SATB2: variants seen among roughly 807,000 people sequenced by gnomAD.
The protein encoded by SATB2 is SATB homeobox 2.
A neutral mutation model predicts 73.4 loss-of-function variants in SATB2; 1 was observed. The observed-to-expected ratio is 0.01, with a 90% CI of 0.00 to 0.06. The LOEUF is 0.06. Ranked by LOEUF, SATB2 falls within the 10% of genes least tolerant of loss-of-function variation. The pLI is 1.00. For missense variants in SATB2, 459 were observed against 945.8 expected (o/e 0.49, Z 6.75); for synonymous variants, 397 against 367.0 (o/e 1.08, Z -0.93).
intron 3 of SATB2, among the ~76,000 whole-genome samples, chr2:199,430,099 C>T (rs1481734222): frequency 6.6e-6 from 1 of 152,172 alleles, no homozygotes; most frequent in African/African-American, 2.4e-5. Flanking sequence ...TGAATAGCTA[C>T]TCAACCAGTG....
chr2:199,346,069 A>G (rs1217700886), intron 7 of SATB2, among the ~76,000 whole-genome samples: 1 of 152,238 alleles, frequency 6.6e-6, no homozygotes, highest in Non-Finnish European at 1.5e-5. Flanking sequence ...GGTAGAATAT[A>G]TATAATAAGA....
chr2:199,293,902 CAAA>C (rs2105746423), intron 10 of SATB2, among the ~76,000 whole-genome samples: 1 of 151,372 alleles, frequency 6.6e-6, no homozygotes, highest in Non-Finnish European at 1.5e-5. Context: ...AAAAACAAAA[CAAA>C]ACACAAAACT....
intron 7 of SATB2, among the ~76,000 whole-genome samples, chr2:199,346,565 C>T (rs1474685083): frequency 4.6e-5 from 7 of 152,148 alleles, no homozygotes; most frequent in Non-Finnish European, 7.3e-5. Context: ...AACACACTTT[C>T]GAATAAAGAG....
At chr2:199,429,124 A>G (rs1691424539) in intron 3 of SATB2, among the ~76,000 whole-genome samples, 1 of 152,188 alleles carries the variant, frequency 6.6e-6, no homozygotes, top group Non-Finnish European at 1.5e-5. Context: ...TCTTCCACTG[A>G]AAAAACAGAA....
intron 7 of SATB2, among the ~76,000 whole-genome samples, chr2:199,343,210 C>T (rs946932214): frequency 6.6e-6 from 1 of 151,760 alleles, no homozygotes; most frequent in South Asian, 2.1e-4. Context: ...ACAAAATGAA[C>T]ACACACGATT....
chr2:199,328,773 C>T lies in SATB2; in HGVS notation c.1311G>A (p.Arg437=), dbSNP rs1178615180. 2 of 1,614,014 alleles carry T rather than the reference C, an allele frequency of 1.2e-6. No individual in the cohort carries two copies. Among genetic ancestry groups the T allele is most frequent in the Admixed American group, 1.7e-5 (1 of 60,016 alleles). Residue 437 remains arginine (R), a synonymous_variant, in exon 8 of 11, where the codon AGG becomes AGA. Coordinates refer to ENST00000417098, the MANE Select transcript of SATB2 (RefSeq NM_001172509.2). ...TCACATTGGGATTCATGCTCCGCTC[C>T]CTCTCATCCTGGTAGATGCGATCTC... ...VERDRIYQDE[R]ERSMNPNVSM...
At position 199,321,773 on chromosome 2, in the gene SATB2, T is replaced by A. The variant is rs76772961; in HGVS notation, c.1542+2030A>T. ...TCATTTTGTTTGGCAGTATCATTTT[T>A]AAAAAAAAAACATAATAAACATAGT... is the stretch of plus-strand genomic sequence containing the variant. On this transcript the variant is annotated intron_variant, in intron 9 of 10. Coordinates refer to ENST00000417098, the MANE Select transcript of SATB2 (RefSeq NM_001172509.2). Among the ~76,000 whole-genome samples, 36 of 149,710 alleles carry A rather than the reference T, an allele frequency of 2.4e-4. No homozygotes were observed. The East Asian group carries it at 2.7e-3, about 11-fold the overall frequency.
intron 2 of SATB2, among the ~76,000 whole-genome samples, chr2:199,451,091 AACACACACACACACACACAC>A (rs56071011): frequency 2.2e-5 from 3 of 139,222 alleles, no homozygotes; most frequent in African/African-American, 5.3e-5. Flanking sequence ...ATGTAGTTCC[AACACACACACACACACACAC>A]ACACACACAC....
intron 5 of SATB2, among the ~76,000 whole-genome samples, chr2:199,372,876 T>C (rs1301855877): frequency 1.3e-5 from 2 of 152,144 alleles, no homozygotes; most frequent in Non-Finnish European, 2.9e-5. Context: ...TAAAACTTAA[T>C]AGGAAAAAGC....
rs565293785 is a variant in SATB2, at chr2:199,439,079, C to A, written c.170-5565G>T. ...GACCTGTACTACTTGTAAGTGAATTCACCTTTTGTCTGCCTACCAGGTGTC... is the reference window on the plus strand; with the variant it reads ...GACCTGTACTACTTGTAAGTGAATTAACCTTTTGTCTGCCTACCAGGTGTC... On this transcript the variant is annotated intron_variant, in intron 2 of 10. Coordinates refer to ENST00000417098, the MANE Select transcript of SATB2 (RefSeq NM_001172509.2). Among the ~76,000 whole-genome samples the A allele has an allele frequency of 1.1e-4, 17 of 152,356 alleles. No individual in the cohort carries two copies. In the South Asian group the frequency reaches 3.5e-3, roughly 32 times the overall value.
intron 2 of SATB2, among the ~76,000 whole-genome samples, chr2:199,441,827 T>C (rs970861496): frequency 3.9e-5 from 6 of 152,212 alleles, no homozygotes; most frequent in Non-Finnish European, 7.3e-5. Flanking sequence ...CCTTCGGTTA[T>C]AGAAATTTAG....
intron 6 of SATB2, among the ~76,000 whole-genome samples, chr2:199,368,198 A>G (rs1005041988): frequency 7.9e-5 from 12 of 152,086 alleles, no homozygotes; most frequent in African/African-American, 2.9e-4. Flanking sequence ...TGTTTTCACC[A>G]CTGCTCTGGA....
upstream of SATB2, among the ~76,000 whole-genome samples, chr2:199,461,153 G>A (rs748440068): frequency 1.3e-5 from 2 of 152,170 alleles, no homozygotes; most frequent in South Asian, 2.1e-4. Flanking sequence ...AATTTCTTCC[G>A]ATTTAAAGGA....
chr2:199,397,021 CAAAAT>C (rs1050272335), intron 3 of SATB2: 8 of 146,994 alleles, frequency 5.4e-5, no homozygotes, highest in African/African-American at 2.0e-4. Context: ...AGAAGAATAA[CAAAAT>C]AAAAGGTGCT....
intron 3 of SATB2, among the ~76,000 whole-genome samples, chr2:199,410,810 T>C (rs1234788584): frequency 6.6e-6 from 1 of 152,244 alleles, no homozygotes; most frequent in African/African-American, 2.4e-5. Flanking sequence ...AATTTTCCTA[T>C]TATAACTAAG....
intron 2 of SATB2, among the ~76,000 whole-genome samples, chr2:199,449,281 G>C (rs1020283475): frequency 6.6e-6 from 1 of 152,036 alleles, no homozygotes; most frequent in African/African-American, 2.4e-5. Context: ...CTTTTTAATT[G>C]AGCAGCAAAG....
Position 199,455,966 on chromosome 2 carries a change from C to A in SATB2, c.72G>T (p.Lys24Asn). 6.5e-7 allele frequency: 1 copy of A among 1,539,252 alleles called. No individual in the cohort carries two copies. Among genetic ancestry groups the A allele is most frequent in the Non-Finnish European group, 8.7e-7 (1 of 1,147,714 alleles). Residue 24 changes from lysine to asparagine, a missense_variant, in exon 2 of 11, where the codon AAG becomes AAT. Coordinates refer to ENST00000417098, the MANE Select transcript of SATB2 (RefSeq NM_001172509.2). This position sits in a 1 kb window ranked among gnomAD's most constrained non-coding sequence, Gnocchi z 4.1. Reference sequence around the variant, plus strand: ...GGGCCACCTTCACTGGGGGAGGCCCCTTGACGTCCGGGCTGCCGCTCCGCC... The same window carrying A: ...GGGCCACCTTCACTGGGGGAGGCCCATTGACGTCCGGGCTGCCGCTCCGCC... ...PDRRSGSPDV[K>N]GPPPVKVARL...
intron 2 of SATB2, among the ~76,000 whole-genome samples, chr2:199,452,602 AT>A (rs1692158494): frequency 6.6e-6 from 1 of 152,136 alleles, no homozygotes. Flanking sequence ...CCCACCATTA[AT>A]CATCCTTTTT....
At chr2:199,451,422 C>G (rs938302914) in intron 2 of SATB2, among the ~76,000 whole-genome samples, 3 of 144,780 alleles carry the variant, frequency 2.1e-5, no homozygotes, top group African/African-American at 7.7e-5. Context: ...AGCCTAAGTT[C>G]ATTCTATTTA....
Sources: gnomAD v4.1 joint callset for allele counts (sites outside exome capture counted in the v4.1 genomes callset) on GRCh38, gnomAD v4.1.1 for gene constraint, Gnocchi (gnomAD v3.1) non-coding constraint, MANE v1.5 for transcripts, NCBI Gene and HGNC (gene_info 2026-07-23, HGNC 2026-07-21) for gene names.